Variants in ANKMY1 observed in about 807,000 individuals in gnomAD.
The protein encoded by ANKMY1 is ankyrin repeat and MYND domain containing 1, also known as ankyrin repeat and MYND domain-containing protein 1.
Under a neutral mutation model 102.0 loss-of-function variants are expected in ANKMY1, and 98 were observed. That is an observed-to-expected ratio of 0.96 (90% CI 0.82 to 1.14). ANKMY1 has a LOEUF of 1.14. Among genes scored for constraint, ANKMY1 ranks in the 50% most tolerant of loss-of-function variants. ANKMY1 has a pLI of 0.00. For synonymous variants in ANKMY1, 582 were observed against 559.9 expected (o/e 1.04, Z -0.56); for missense variants, 1,330 against 1,347.6 (o/e 0.99, Z 0.20).
At chr2:240,507,222 C>G (rs1197112056) in intron 13 of ANKMY1, among the ~76,000 whole-genome samples, 1 of 152,068 alleles carries the variant, frequency 6.6e-6, no homozygotes, top group African/African-American at 2.4e-5. Flanking sequence ...GAACACAGAA[C>G]AAATGACCCA....
intron 16 of ANKMY1, 103 bp downstream of exon 16, chr2:240,482,080 C>T: frequency 7.6e-7 from 1 of 1,317,512 alleles, no homozygotes; most frequent in Admixed American, 2.2e-5. Flanking sequence ...GGTCAGATGG[C>T]ATGGAGGCTG....
At chr2:240,478,211 A>C (rs959808239), downstream of ANKMY1, among the ~76,000 whole-genome samples, 4 of 152,202 alleles carry the variant, frequency 2.6e-5, no homozygotes, top group African/African-American at 9.6e-5. Context: ...CAGCCTGCAG[A>C]ACCCTGAGCC....
chr2:240,529,185 G>A lies in ANKMY1; in HGVS notation c.805C>T (p.Leu269=), dbSNP rs570312059. 45 of 1,614,228 alleles carry A rather than the reference G, an allele frequency of 2.8e-5. No individual in the cohort carries two copies. In the East Asian group the frequency reaches 8.9e-4, roughly 32 times the overall value. The part of the protein sequence containing the change: ...MYVYSTNSDH[L]PMTSSFRKEL... Reference sequence around the variant, plus strand: ...TTGCGGAAAGAGCTTGTCATGGGCAGGTGGTCACTGTTGGTCGAGTAGACA... The same window carrying A: ...TTGCGGAAAGAGCTTGTCATGGGCAAGTGGTCACTGTTGGTCGAGTAGACA... The change falls in exon 5 of 18, where the codon CTG becomes TTG. Residue 269 remains leucine, a synonymous_variant. Coordinates refer to ENST00000401804, the MANE Select transcript of ANKMY1 (RefSeq NM_001282771.3). The surrounding 1 kb of genome is among the most constrained non-coding windows in gnomAD (Gnocchi z 4.2).
chr2:240,511,754 G>A, intron 11 of ANKMY1, 107 bp downstream of exon 11: 1 of 1,389,642 alleles, frequency 7.2e-7, no homozygotes, highest in East Asian at 2.7e-5. Flanking sequence ...CCTGGCTTCT[G>A]CCTAAGACTC....
chr2:240,512,230 C>T (rs558888104), intron 10 of ANKMY1, among the ~76,000 whole-genome samples: 8 of 152,372 alleles, frequency 5.3e-5, no homozygotes, highest in Non-Finnish European at 1.0e-4. Flanking sequence ...TCCCCTCCCA[C>T]GTCCCCCACG....
intron 6 of ANKMY1, 45 bp downstream of exon 6, chr2:240,526,184 C>G: frequency 6.2e-7 from 1 of 1,610,906 alleles, no homozygotes; most frequent in Non-Finnish European, 8.5e-7. Flanking sequence ...GTGACCCTCA[C>G]AGCTAAGCTC....
At chr2:240,551,395 T>C (rs1162935321) in intron 4 of ANKMY1, among the ~76,000 whole-genome samples, 1 of 152,210 alleles carries the variant, frequency 6.6e-6, no homozygotes, top group African/African-American at 2.4e-5. Context: ...TAAGAATCTG[T>C]TTTATTTTAT....
rs193244509 is a variant in ANKMY1 at position 240,528,571 on chromosome 2, C to T, written c.953+466G>A. Among the ~76,000 whole-genome samples, 96 of 152,170 alleles carry T rather than the reference C, an allele frequency of 6.3e-4. No individual in the cohort carries two copies. In the East Asian group the frequency reaches 9.1e-3, roughly 14 times the overall value. On this transcript the variant is annotated intron_variant, in intron 5 of 17. Transcript: ENST00000401804. Reference sequence around the variant, plus strand: ...AGACTTGGCCCATAGAACACCTAGGCGCTGATGCAACGGTGGGGGCAGGGC... The same window carrying T: ...AGACTTGGCCCATAGAACACCTAGGTGCTGATGCAACGGTGGGGGCAGGGC...
rs756549596 is a variant in ANKMY1 at position 240,529,384 on chromosome 2, G to A, written c.606C>T (p.Phe202=). 2.3e-5 allele frequency: 37 copies of A among 1,613,932 alleles called. No individual in the cohort carries two copies. Among genetic ancestry groups the A allele is most frequent in the Non-Finnish European group, 3.0e-5 (35 of 1,180,014 alleles). The part of the protein sequence containing the change: ...IKLCTQIPSG[F]SLLRYPEFSS... ...AGAACTCAGGGTATCTGAGGAGGGAGAAGCCACTGGGGATCTGGGTGCACA... is the reference window on the plus strand; with the variant it reads ...AGAACTCAGGGTATCTGAGGAGGGAAAAGCCACTGGGGATCTGGGTGCACA... The change falls in exon 5 of 18, where the codon TTC becomes TTT. Residue 202 remains phenylalanine, a synonymous_variant. Transcript: ENST00000401804. This position sits in a 1 kb window ranked among gnomAD's most constrained non-coding sequence, Gnocchi z 4.2.
chr2:240,500,175 C>A, intron 14 of ANKMY1, 52 bp from the exon 15 acceptor site: 1 of 1,509,172 alleles, frequency 6.6e-7, no homozygotes, highest in Non-Finnish European at 8.9e-7. Flanking sequence ...CCCCTCACTG[C>A]TGGGGTGACT....
intron 4 of ANKMY1, among the ~76,000 whole-genome samples, chr2:240,545,735 C>T (rs914393899): frequency 1.1e-4 from 16 of 152,078 alleles, no homozygotes; most frequent in South Asian, 2.1e-4. Flanking sequence ...GGAGCCGATG[C>T]GATCAACTGG....
chr2:240,560,598 C>A, upstream of ANKMY1: 2 of 1,332,310 alleles, frequency 1.5e-6, no homozygotes, highest in Non-Finnish European at 1.9e-6. Flanking sequence ...GCGGCCCGCC[C>A]GGCTCCCACA....
intron 13 of ANKMY1, among the ~76,000 whole-genome samples, chr2:240,502,045 G>A (rs556552568): frequency 2.4e-4 from 37 of 152,336 alleles, no homozygotes; most frequent in African/African-American, 8.9e-4. Context: ...TCAGGAAAAG[G>A]TGGGCAGATG....
chr2:240,537,409 G>A (rs1559355184), intron 4 of ANKMY1, among the ~76,000 whole-genome samples: 1 of 152,134 alleles, frequency 6.6e-6, no homozygotes. Flanking sequence ...AATAACTTAA[G>A]AATTTCCCCT....
chr2:240,502,951 G>A (rs931643696), intron 13 of ANKMY1, among the ~76,000 whole-genome samples: 2 of 152,008 alleles, frequency 1.3e-5, no homozygotes, highest in Admixed American at 1.3e-4. Flanking sequence ...CATGCCCTCG[G>A]CTGCAGCTGG....
chr2:240,557,113 C>G, intron 2 of ANKMY1, 77 bp downstream of exon 2: 1 of 1,365,422 alleles, frequency 7.3e-7, no homozygotes, highest in South Asian at 1.9e-5. Flanking sequence ...ATTTTTACTG[C>G]TTGCCTTAAG....
downstream of ANKMY1, among the ~76,000 whole-genome samples, chr2:240,474,627 T>G (rs2074737639): frequency 1.3e-5 from 2 of 152,182 alleles, no homozygotes; most frequent in South Asian, 4.1e-4. Context: ...TATCCAAATG[T>G]TTTAATCATT....
the ANKMY1 span, among the ~76,000 whole-genome samples, chr2:240,472,529 G>A: frequency 2.6e-5 from 4 of 152,208 alleles, no homozygotes; most frequent in Non-Finnish European, 4.4e-5. Flanking sequence ...GACTCACGCA[G>A]TGACTGAGTG....
At chr2:240,526,929 C>A in intron 5 of ANKMY1, 1 of 1,076,236 alleles carries the variant, frequency 9.3e-7, no homozygotes, top group East Asian at 7.6e-5. Flanking sequence ...GGTGTGTACA[C>A]AACCCCTTTT....
Sources: allele counts gnomAD v4.1 joint callset (sites outside exome capture counted in the v4.1 genomes callset), GRCh38; gene constraint gnomAD v4.1.1; non-coding constraint Gnocchi (gnomAD v3.1); transcripts MANE v1.5; gene names NCBI Gene and HGNC (gene_info 2026-07-23, HGNC 2026-07-21).